The following KIF3A variants were observed in gnomAD, a reference collection of about 807,000 sequenced individuals.
KIF3A encodes kinesin-like protein KIF3A.
In KIF3A, 27 loss-of-function variants were observed where a neutral mutation model predicts 92.6. The observed-to-expected ratio is 0.29, with a 90% CI of 0.21 to 0.40. The LOEUF (loss-of-function observed/expected upper bound fraction) is 0.40. KIF3A is among the 10% of genes least tolerant of loss of function. The probability of loss-of-function intolerance (pLI) is 1.00; values close to 1 mark genes in which losing one functional copy is unlikely to be tolerated. For missense variants in KIF3A, 581 were observed against 872.6 expected, an observed-to-expected ratio of 0.67 and a Z score of 4.21; for synonymous variants, 250 against 275.4, an observed-to-expected ratio of 0.91 and a Z score of 0.92.
Position 132,695,671 on chromosome 5 carries a change from TAAAA to T in KIF3A, c.*959_*962del, listed in dbSNP as rs5871461. The T allele has an allele frequency of 2.0e-5, 3 of 152,084 alleles. No individual in the cohort carries two copies. The highest frequency in any genetic ancestry group is 2.0e-4 in the Admixed American group (3 of 15,282). The allele number at this position is 152,084 out of a possible 1,614,324, so 9.4% of individuals were successfully genotyped here. ...TTATTTTTAAAATAGAAAAACAAAATAAAAAAGTGTTTTAAAGGCAAAGTATTTA... is the reference window on the plus strand; with the variant it reads ...TTATTTTTAAAATAGAAAAACAAAATAAGTGTTTTAAAGGCAAAGTATTTA... On this transcript the variant is annotated 3_prime_UTR_variant, in exon 19 of 19. Transcript: ENST00000403231.
chr5:132,723,070 GTA>G (rs576575007), intron 4 of KIF3A: 1 of 152,096 alleles, frequency 6.6e-6, no homozygotes, highest in Non-Finnish European at 1.5e-5. Flanking sequence ...GGACAAAAAC[GTA>G]TGTTATTTAG....
At chr5:132,714,696 T>C (rs1284886021) in intron 8 of KIF3A, among the ~76,000 whole-genome samples, 2 of 152,186 alleles carry the variant, frequency 1.3e-5, no homozygotes, top group East Asian at 1.9e-4. Flanking sequence ...TAGAAATGAA[T>C]AGTGGTGACA....
At chr5:132,724,711 G>A (rs1273887289) in intron 4 of KIF3A, among the ~76,000 whole-genome samples, 2 of 149,470 alleles carry the variant, frequency 1.3e-5, no homozygotes, top group African/African-American at 5.0e-5. Context: ...GTTAATGGGT[G>A]CAGCACACCA....
chr5:132,703,707 T>C, intron 11 of KIF3A, 88 bp from the exon 12 acceptor site: 1 of 864,882 alleles, frequency 1.2e-6, no homozygotes, highest in Non-Finnish European at 1.8e-6. Flanking sequence ...TAGAAATGCC[T>C]ACACTCCTCA....
chr5:132,706,319 TA>T, intron 11 of KIF3A, 131 bp downstream of exon 11: 1 of 537,624 alleles, frequency 1.9e-6, no homozygotes, highest in Non-Finnish European at 3.0e-6. Flanking sequence ...GAAAGATTGT[TA>T]AAAATACAAA....
chr5:132,689,150 A>G (rs1752606861), downstream of KIF3A, among the ~76,000 whole-genome samples: 1 of 152,226 alleles, frequency 6.6e-6, no homozygotes, highest in Admixed American at 6.5e-5. Context: ...AACTTCCGAA[A>G]AAGGACTGAA....
At chr5:132,699,946 G>A (rs575976772) in intron 17 of KIF3A, among the ~76,000 whole-genome samples, 6 of 152,006 alleles carry the variant, frequency 3.9e-5, no homozygotes, top group South Asian at 2.1e-4. Flanking sequence ...ATAATCCTAC[G>A]ACCCAGAGTG....
At chr5:132,723,267 A>G (rs1249266890) in intron 4 of KIF3A, 2 of 152,200 alleles carry the variant, frequency 1.3e-5, no homozygotes, top group Admixed American at 1.3e-4. Context: ...TCAAGCTACC[A>G]ATGACTTTCG....
At chr5:132,709,916 T>C (rs576159185) in intron 9 of KIF3A, among the ~76,000 whole-genome samples, 22 of 152,362 alleles carry the variant, frequency 1.4e-4, no homozygotes, top group African/African-American at 5.0e-4. Context: ...AAAATCTTTA[T>C]AGTTTTTAAA....
rs569043949 is a variant in KIF3A at position 132,706,160 on chromosome 5, C to T, written c.1309+291G>A. 5.9e-5 allele frequency among the ~76,000 whole-genome samples: 9 copies of T among 152,038 alleles called. 1 individual carries two copies. In the South Asian group the frequency reaches 1.7e-3, roughly 28 times the overall value. The stretch of plus-strand genomic sequence containing the variant: ...ATTTTTATTACATAAGCAACCACGG[C>T]ATAACCAGGTATTTGATTCTTGGCT... On this transcript the variant is annotated intron_variant, in intron 11 of 18. Coordinates refer to ENST00000403231, the MANE Select transcript of KIF3A (RefSeq NM_001300791.2).
intron 6 of KIF3A, 120 bp downstream of exon 6, chr5:132,716,725 C>T: frequency 9.1e-7 from 1 of 1,098,092 alleles, no homozygotes. Flanking sequence ...AATAAACATA[C>T]ACAAGTAACA....
chr5:132,710,627 AC>A (rs1466543891), intron 9 of KIF3A, among the ~76,000 whole-genome samples: 2 of 152,178 alleles, frequency 1.3e-5, no homozygotes, highest in African/African-American at 4.8e-5. Flanking sequence ...AAACAAACAA[AC>A]AAACAAACAA....
At position 132,700,684 on chromosome 5, in the gene KIF3A, T is replaced by A. The variant is rs376748723; in HGVS notation, c.1901A>T (p.Tyr634Phe). 2 of 1,592,318 alleles carry A rather than the reference T, an allele frequency of 1.3e-6. No homozygotes were observed. Among genetic ancestry groups the A allele is most frequent in the South Asian group, 2.2e-5 (2 of 90,382 alleles). Residue 634 changes from tyrosine to phenylalanine, a missense_variant, in exon 16 of 19, where the codon TAT becomes TTT. Coordinates refer to ENST00000403231, the MANE Select transcript of KIF3A (RefSeq NM_001300791.2). Reference sequence around the variant, plus strand: ...TCCTATGTCTTCATTCCAATGGACATAGTTTTCAATCATTTCCTTTTAAAA... The same window carrying A: ...TCCTATGTCTTCATTCCAATGGACAAAGTTTTCAATCATTTCCTTTTAAAA... Reference protein sequence around the residue: ...PRDYQEMIENYVHWNEDIGEW... With the variant: ...PRDYQEMIENFVHWNEDIGEW...
intron 17 of KIF3A, chr5:132,699,557 CTTCTT>C (rs1292413504): frequency 8.9e-5 from 44 of 493,108 alleles, no homozygotes; most frequent in Admixed American, 6.6e-4. Flanking sequence ...CCCTCTTCTT[CTTCTT>C]TTTTTTTTTT....
chr5:132,724,811 A>AT (rs1554107414), intron 4 of KIF3A, among the ~76,000 whole-genome samples: 300 of 11,214 alleles, frequency 0.027, 32 homozygotes, highest in African/African-American at 0.066. Flanking sequence ...AAAAAAATAT[A>AT]TATATATATA....
intron 2 of KIF3A, among the ~76,000 whole-genome samples, chr5:132,730,421 C>T (rs955600183): frequency 6.6e-6 from 1 of 150,586 alleles, no homozygotes; most frequent in Non-Finnish European, 1.5e-5. Context: ...GAGCCGAGAT[C>T]GCGCCACTGC....
intron 1 of KIF3A, among the ~76,000 whole-genome samples, chr5:132,735,606 C>T (rs1021286886): frequency 6.6e-6 from 1 of 152,164 alleles, no homozygotes. Context: ...TCCTATTCCT[C>T]TCATCTATTC....
Position 132,720,730 on chromosome 5 carries a change from G to C in KIF3A, c.511-16C>G. 1 of 1,389,332 alleles carries C rather than the reference G, an allele frequency of 7.2e-7. No homozygotes were observed. Among genetic ancestry groups the C allele is most frequent in the Non-Finnish European group, 1.0e-6 (1 of 985,080 alleles). The allele number at this position is 1,389,332 out of a possible 1,614,324, so 86.1% of individuals were successfully genotyped here. A position where few individuals can be genotyped will look rare whatever the true frequency, so the allele number is the denominator to read the frequency against. The stretch of plus-strand genomic sequence containing the variant: ...TTTCTTTAACCTAAAAAAAAATTAA[G>C]ACTTTATACTATATCAATAACTCTT... On this transcript the variant is annotated splice_polypyrimidine_tract_variant and intron_variant, in intron 4 of 18. Transcript: ENST00000403231.
intron 8 of KIF3A, among the ~76,000 whole-genome samples, chr5:132,711,598 A>T (rs967863281): frequency 5.3e-5 from 8 of 152,068 alleles, no homozygotes; most frequent in African/African-American, 1.9e-4. Context: ...TCAAAAAAAA[A>T]AATAAAAATA....
Sources: allele counts gnomAD v4.1 joint callset (sites outside exome capture counted in the v4.1 genomes callset), GRCh38; gene constraint gnomAD v4.1.1; transcripts MANE v1.5; gene names NCBI Gene and HGNC (gene_info 2026-07-23, HGNC 2026-07-21).